MRLN: variants seen among roughly 807,000 people sequenced by gnomAD.
MRLN encodes the protein myoregulin.
chr10:59,743,301 T>C (rs559335840), intron 1 of MRLN, among the ~76,000 whole-genome samples: 1 of 150,114 alleles, frequency 6.7e-6, no homozygotes, highest in Non-Finnish European at 1.5e-5. Flanking sequence ...AGGAAAGTAG[T>C]CTCATTACTG....
chr10:59,743,812 G>T (rs577013579), intron 1 of MRLN, among the ~76,000 whole-genome samples: 2 of 152,232 alleles, frequency 1.3e-5, no homozygotes, highest in South Asian at 4.1e-4. Flanking sequence ...TTGCAGGTGC[G>T]CGCCGCCACG....
chr10:59,737,648 CAAAA>C (rs60567923), intron 2 of MRLN, among the ~76,000 whole-genome samples: 8 of 50,288 alleles, frequency 1.6e-4, no homozygotes, highest in African/African-American at 3.5e-4. Flanking sequence ...AGGTACTGAT[CAAAA>C]AAAAAAAAAA....
chr10:59,752,022 T>G (rs1416104953), intron 1 of MRLN, among the ~76,000 whole-genome samples: 1 of 152,116 alleles, frequency 6.6e-6, no homozygotes, highest in Non-Finnish European at 1.5e-5. Context: ...AGCACATACG[T>G]TTATGGAAAT....
At chr10:59,750,716 G>A in intron 1 of MRLN, among the ~76,000 whole-genome samples, 1 of 152,234 alleles carries the variant, frequency 6.6e-6, no homozygotes, top group Non-Finnish European at 1.5e-5. Context: ...AATCACAGTT[G>A]TGATGCACTT....
At chr10:59,745,118 A>T (rs973100550) in intron 1 of MRLN, among the ~76,000 whole-genome samples, 8 of 150,664 alleles carry the variant, frequency 5.3e-5, no homozygotes, top group East Asian at 1.9e-4. Context: ...ATACTAAAAA[A>T]AAAATAAAAT....
At chr10:59,740,514 T>A (rs1840971311) in intron 1 of MRLN, among the ~76,000 whole-genome samples, 2 of 152,134 alleles carry the variant, frequency 1.3e-5, no homozygotes, top group Admixed American at 6.5e-5. Context: ...GACAGTGATA[T>A]TAATGATCCT....
At chr10:59,750,567 C>T (rs1841091744) in intron 1 of MRLN, among the ~76,000 whole-genome samples, 1 of 152,192 alleles carries the variant, frequency 6.6e-6, no homozygotes, top group African/African-American at 2.4e-5. Flanking sequence ...TATTCTTGCC[C>T]TAAACAGATC....
intron 1 of MRLN, among the ~76,000 whole-genome samples, chr10:59,745,484 T>TCC (rs1271295738): frequency 1.6e-5 from 2 of 125,080 alleles, no homozygotes; most frequent in Non-Finnish European, 3.4e-5. Context: ...GGCAAATAAT[T>TCC]CCCCCCCCCA....
At chr10:59,746,018 C>G (rs942695334) in intron 1 of MRLN, among the ~76,000 whole-genome samples, 1 of 152,166 alleles carries the variant, frequency 6.6e-6, no homozygotes, top group Non-Finnish European at 1.5e-5. Flanking sequence ...TAACATTTCT[C>G]TTTATTAAGT....
At chr10:59,748,284 G>A (rs1841063145) in intron 1 of MRLN, among the ~76,000 whole-genome samples, 1 of 152,006 alleles carries the variant, frequency 6.6e-6, no homozygotes, top group African/African-American at 2.4e-5. Context: ...CATATGCAAT[G>A]GTAAATGGAT....
chr10:59,744,549 A>G (rs926738649), intron 1 of MRLN, among the ~76,000 whole-genome samples: 12 of 147,300 alleles, frequency 8.1e-5, no homozygotes, highest in Admixed American at 6.7e-4. Flanking sequence ...GCCTCTGCCC[A>G]GCCGCCCCTA....
intron 1 of MRLN, among the ~76,000 whole-genome samples, chr10:59,746,640 C>CT (rs1841046727): frequency 6.6e-6 from 1 of 152,144 alleles, no homozygotes; most frequent in African/African-American, 2.4e-5. Flanking sequence ...GATGGAAGGG[C>CT]TGACAGTTAC....
chr10:59,749,687 A>G (rs1240907149), intron 1 of MRLN, among the ~76,000 whole-genome samples: 4 of 151,932 alleles, frequency 2.6e-5, no homozygotes, highest in Non-Finnish European at 5.9e-5. Context: ...AAAAAAAAAC[A>G]AAACAAAACA....
At chr10:59,750,620 C>T (rs1222615729) in intron 1 of MRLN, among the ~76,000 whole-genome samples, 1 of 152,200 alleles carries the variant, frequency 6.6e-6, no homozygotes, top group Non-Finnish European at 1.5e-5. Flanking sequence ...CAGTTATGGG[C>T]ACTGAACATT....
intron 1 of MRLN, among the ~76,000 whole-genome samples, chr10:59,748,094 T>TTG (rs1841061048): frequency 6.6e-6 from 1 of 150,768 alleles, no homozygotes; most frequent in Non-Finnish European, 1.5e-5. Context: ...TTCTTTTGTT[T>TTG]TTTTTTTTTT....
chr10:59,747,758 G>A (rs74152187), intron 1 of MRLN, among the ~76,000 whole-genome samples: 4,638 of 152,164 alleles, frequency 0.03, 287 homozygotes, highest in African/African-American at 0.1. Flanking sequence ...GGTAGGGGAC[G>A]GCCTTATTCA....
intron 1 of MRLN, among the ~76,000 whole-genome samples, chr10:59,743,507 T>A (rs867457599): frequency 1.1e-4 from 16 of 152,094 alleles, no homozygotes; most frequent in Admixed American, 3.3e-4. Context: ...CCTGTTTGGT[T>A]TTTGCCCTTG....
Position 59,737,227 on chromosome 10 carries a change from A to G in MRLN, c.-20-7T>C. On this transcript the variant is annotated splice_polypyrimidine_tract_variant and splice_region_variant and intron_variant, in intron 2 of 2. Transcript: ENST00000414264. ...TCCAGAATTATCCCGCTCCCTAGGAAAAAAGAGAAAAGTATCCTCAAATGA... is the reference window on the plus strand; with the variant it reads ...TCCAGAATTATCCCGCTCCCTAGGAGAAAAGAGAAAAGTATCCTCAAATGA... The G allele has an allele frequency of 2.5e-6, 1 of 395,250 alleles. No homozygotes were observed. Among genetic ancestry groups the G allele is most frequent in the Non-Finnish European group, 4.5e-6 (1 of 223,466 alleles). The allele number at this position is 395,250 out of a possible 1,614,324, so 24.5% of individuals were successfully genotyped here.
chr10:59,740,907 C>T (rs540781840), intron 1 of MRLN, among the ~76,000 whole-genome samples: 3 of 151,964 alleles, frequency 2.0e-5, no homozygotes, highest in Non-Finnish European at 2.9e-5. Context: ...ATGCAATTCT[C>T]CTGCCTCAGC....
Sources: gnomAD v4.1 joint callset for allele counts (sites outside exome capture counted in the v4.1 genomes callset) on GRCh38, gnomAD v4.1.1 for gene constraint, MANE v1.5 for transcripts, NCBI Gene and HGNC (gene_info 2026-07-23, HGNC 2026-07-21) for gene names.